CAV1: variants seen among roughly 807,000 people sequenced by gnomAD.
CAV1 encodes the protein caveolin-1.
Under a neutral mutation model 16.5 loss-of-function variants are expected in CAV1, and 10 were observed. The observed-to-expected ratio is 0.61, with a 90% CI of 0.37 to 1.03. CAV1 has a LOEUF of 1.03. Ranked by LOEUF, CAV1 falls within the 50% of genes least tolerant of loss-of-function variation. The pLI, the probability that CAV1 is intolerant of heterozygous loss-of-function variation, is 0.01. For synonymous variants in CAV1, 76 were observed against 85.1 expected (o/e 0.89, Z 0.59); for missense variants, 212 against 232.8 (o/e 0.91, Z 0.58).
At chr7:116,535,957 A>G (rs997107796) in intron 2 of CAV1, among the ~76,000 whole-genome samples, 3 of 152,182 alleles carry the variant, frequency 2.0e-5, no homozygotes, top group Non-Finnish European at 4.4e-5. Flanking sequence ...AGCAATTTAA[A>G]GGTGACGTTT....
intron 2 of CAV1, among the ~76,000 whole-genome samples, chr7:116,535,400 A>G (rs1314067124): frequency 6.6e-6 from 1 of 152,184 alleles, no homozygotes; most frequent in African/African-American, 2.4e-5. Flanking sequence ...CTTATGTTCC[A>G]ATCTACTCAT....
At chr7:116,525,298 G>T (rs758373334) in intron 1 of CAV1, 2 of 1,554,128 alleles carry the variant, frequency 1.3e-6, no homozygotes, top group South Asian at 2.4e-5. Context: ...CTAATGGAGA[G>T]GGGGCCTAGG....
intron 2 of CAV1, among the ~76,000 whole-genome samples, chr7:116,545,631 A>G (rs1273122737): frequency 2.0e-5 from 3 of 152,262 alleles, no homozygotes; most frequent in African/African-American, 7.2e-5. Context: ...GCTGAATAGT[A>G]GGAAACAACC....
At position 116,559,014 on chromosome 7, in the gene CAV1, C is replaced by CTTCA; in HGVS notation, c.265_268dup (p.Thr90IlefsTer47). 1 of 1,613,890 alleles carries CTTCA rather than the reference C, an allele frequency of 6.2e-7. No homozygotes were observed. Among genetic ancestry groups the CTTCA allele is most frequent in the Non-Finnish European group, 8.5e-7 (1 of 1,179,908 alleles). ...GTTTTGACGGCATTTGGAAGGCCAG[C>CTTCA]TTCACCACCTTCACTGTGACGAAAT... is the stretch of plus-strand genomic sequence containing the variant. On this transcript the variant is annotated frameshift_variant, in exon 3 of 3. Coordinates refer to ENST00000341049, the MANE Select transcript of CAV1 (RefSeq NM_001753.5). LOFTEE classifies it high-confidence loss of function.
intron 2 of CAV1, among the ~76,000 whole-genome samples, chr7:116,529,886 C>G (rs1479084263): frequency 6.6e-6 from 1 of 152,162 alleles, no homozygotes; most frequent in East Asian, 1.9e-4. Flanking sequence ...CCTTCATTCT[C>G]CCTCTGAGAT....
rs1794363989 is a variant in CAV1 at position 116,559,571 on chromosome 7, A to C, written c.*284A>C. Reference sequence around the variant, plus strand: ...GCTTTATTGGCTGAGATATGAACATATTGTTGAAAGGTAATTTGAGAGAAA... The same window carrying C: ...GCTTTATTGGCTGAGATATGAACATCTTGTTGAAAGGTAATTTGAGAGAAA... On this transcript the variant is annotated 3_prime_UTR_variant, in exon 3 of 3. Coordinates refer to ENST00000341049, the MANE Select transcript of CAV1 (RefSeq NM_001753.5). 1.9e-6 allele frequency: 1 copy of C among 531,696 alleles called. No homozygotes were observed. Among genetic ancestry groups the C allele is most frequent in the Admixed American group, 3.6e-5 (1 of 27,924 alleles). The allele number at this position is 531,696 out of a possible 1,614,324, so 32.9% of individuals were successfully genotyped here. A position where few individuals can be genotyped will look rare whatever the true frequency, so the allele number is the denominator to read the frequency against.
At chr7:116,537,331 A>C (rs1793842022) in intron 2 of CAV1, among the ~76,000 whole-genome samples, 1 of 152,128 alleles carries the variant, frequency 6.6e-6, no homozygotes, top group Non-Finnish European at 1.5e-5. Flanking sequence ...GGGGCAAATC[A>C]AGGGGGTTTG....
chr7:116,535,585 G>C (rs536445864), intron 2 of CAV1, among the ~76,000 whole-genome samples: 1 of 152,172 alleles, frequency 6.6e-6, no homozygotes, highest in Non-Finnish European at 1.5e-5. Flanking sequence ...TGTTTAGGGT[G>C]GGGGAAGTGT....
chr7:116,536,561 G>A (rs756774826), intron 2 of CAV1, among the ~76,000 whole-genome samples: 38 of 152,198 alleles, frequency 2.5e-4, no homozygotes, highest in Non-Finnish European at 3.8e-4. Context: ...TTGAGGGGTC[G>A]TGGCCTGTTC....
chr7:116,525,192 C>A (rs746620461), intron 1 of CAV1, 100 bp downstream of exon 1: 1 of 1,613,732 alleles, frequency 6.2e-7, no homozygotes, highest in African/African-American at 1.3e-5. Flanking sequence ...GGCCCCAGCC[C>A]TCTCTCCACT....
chr7:116,548,422 TG>T (rs1461335730), intron 2 of CAV1, among the ~76,000 whole-genome samples: 2 of 151,636 alleles, frequency 1.3e-5, no homozygotes, highest in Admixed American at 1.3e-4. Context: ...GGAGTAAGAG[TG>T]ATGCTGAATG....
intron 2 of CAV1, among the ~76,000 whole-genome samples, chr7:116,534,132 C>T (rs1458516669): frequency 2.6e-5 from 4 of 151,676 alleles, no homozygotes; most frequent in Middle Eastern, 3.4e-3. Flanking sequence ...GCACGAGAAT[C>T]GCTTTAACCC....
intron 2 of CAV1, among the ~76,000 whole-genome samples, chr7:116,544,452 CCA>C (rs1304235805): frequency 6.6e-6 from 1 of 151,788 alleles, no homozygotes; most frequent in Non-Finnish European, 1.5e-5. Context: ...GAAATAATAA[CCA>C]CACACACACA....
chr7:116,533,684 T>C (rs976392416), intron 2 of CAV1, among the ~76,000 whole-genome samples: 1 of 152,206 alleles, frequency 6.6e-6, no homozygotes, highest in Non-Finnish European at 1.5e-5. Flanking sequence ...ACTTTCTTTA[T>C]GCAGATTCCT....
intron 2 of CAV1, among the ~76,000 whole-genome samples, chr7:116,538,216 G>A (rs893906929): frequency 7.2e-5 from 11 of 152,152 alleles, no homozygotes; most frequent in African/African-American, 2.7e-4. Context: ...GTTTTATGTT[G>A]GTAGGAGAAA....
At chr7:116,553,040 G>C (rs2116074615) in intron 2 of CAV1, among the ~76,000 whole-genome samples, 1 of 152,280 alleles carries the variant, frequency 6.6e-6, no homozygotes, top group South Asian at 2.1e-4. Context: ...TCCAATAACA[G>C]TCTAAAAAGA....
In CAV1 at chr7:116,547,336, C is replaced by G. The variant is rs1232488905; in HGVS notation, c.196-11610C>G. Among the ~76,000 whole-genome samples, 3 of 151,708 alleles carry G rather than the reference C, an allele frequency of 2.0e-5. No homozygotes were observed. In the East Asian group the frequency reaches 5.8e-4, roughly 29 times the overall value. The stretch of plus-strand genomic sequence containing the variant: ...AATTTTTCAAAGTGTAATAAAAACC[C>G]CAGGAAAACTCATACTCCCTCCTAA... On this transcript the variant is annotated intron_variant, in intron 2 of 2. Transcript: ENST00000341049.
chr7:116,553,269 C>T (rs973507551), intron 2 of CAV1, among the ~76,000 whole-genome samples: 5 of 152,084 alleles, frequency 3.3e-5, no homozygotes, highest in Non-Finnish European at 7.4e-5. Context: ...AGATTTACTA[C>T]ATCAGCCAAG....
intron 2 of CAV1, among the ~76,000 whole-genome samples, chr7:116,536,495 A>T (rs1227773460): frequency 1.3e-5 from 2 of 152,232 alleles, no homozygotes. Context: ...AAAGCCGAAC[A>T]TATGTTTACC....
Sources: allele counts gnomAD v4.1 joint callset (sites outside exome capture counted in the v4.1 genomes callset), GRCh38; gene constraint gnomAD v4.1.1; transcripts MANE v1.5; gene names NCBI Gene and HGNC (gene_info 2026-07-23, HGNC 2026-07-21).